Variants in ERCC8 observed in about 807,000 individuals in gnomAD.
ERCC8 encodes the protein ERCC excision repair 8, CSA ubiquitin ligase complex subunit.
Under a neutral mutation model 54.9 loss-of-function variants are expected in ERCC8, and 52 were observed. The ratio of observed to expected loss-of-function variants is 0.95; its 90% CI spans 0.76 to 1.19. The LOEUF is 1.19. Ranked by LOEUF, ERCC8 falls within the 50% of genes most tolerant of loss-of-function variation. ERCC8 has a pLI of 0.00. For synonymous variants in ERCC8, 146 were observed against 157.2 expected (o/e 0.93, Z 0.53); for missense variants, 514 against 466.1 (o/e 1.10, Z -0.95).
intron 1 of ERCC8, among the ~76,000 whole-genome samples, chr5:60,930,017 C>G (rs1749860856): frequency 6.6e-6 from 1 of 152,218 alleles, no homozygotes; most frequent in Non-Finnish European, 1.5e-5. Flanking sequence ...CTGATACTTT[C>G]ATTCATTGAC....
intron 9 of ERCC8, among the ~76,000 whole-genome samples, chr5:60,895,015 A>C (rs1361471590): frequency 6.6e-6 from 1 of 152,038 alleles, no homozygotes; most frequent in African/African-American, 2.4e-5. Context: ...CAAAAAACAC[A>C]AAAATATTAG....
At chr5:60,937,609 C>T (rs1434953374) in intron 1 of ERCC8, among the ~76,000 whole-genome samples, 4 of 152,182 alleles carry the variant, frequency 2.6e-5, no homozygotes, top group Admixed American at 2.6e-4. Flanking sequence ...CACCCAGCTC[C>T]CATGCAACCT....
chr5:60,935,259 G>A (rs111374237), intron 1 of ERCC8, among the ~76,000 whole-genome samples: 3,660 of 152,172 alleles, frequency 0.024, 63 homozygotes, highest in Non-Finnish European at 0.037. Flanking sequence ...TCCCTGGCTA[G>A]GTATATTCCT....
rs919544423 is a variant in ERCC8, at chr5:60,870,273, C to T, written c.*4342G>A. Among the ~76,000 whole-genome samples the T allele has an allele frequency of 1.3e-5, 2 of 151,876 alleles. No homozygotes were observed. Among genetic ancestry groups the T allele is most frequent in the East Asian group, 1.9e-4 (1 of 5,170 alleles). On this transcript the variant is annotated 3_prime_UTR_variant, in exon 12 of 12. Coordinates refer to ENST00000676185, the MANE Select transcript of ERCC8 (RefSeq NM_000082.4). Reference sequence around the variant, plus strand: ...TAATTATTAAGCACCTACTACATGCCAACTACAGTTCTAAGAATTGAAACA... The same window carrying T: ...TAATTATTAAGCACCTACTACATGCTAACTACAGTTCTAAGAATTGAAACA...
intron 1 of ERCC8, among the ~76,000 whole-genome samples, chr5:60,934,233 C>T (rs1749998281): frequency 6.6e-6 from 1 of 152,206 alleles, no homozygotes; most frequent in Non-Finnish European, 1.5e-5. Flanking sequence ...TTCACCATAT[C>T]CATGCCAACA....
chr5:60,875,567 C>T (rs1747973090), intron 11 of ERCC8, among the ~76,000 whole-genome samples: 1 of 152,180 alleles, frequency 6.6e-6, no homozygotes, highest in African/African-American at 2.4e-5. Flanking sequence ...GTATTATGAG[C>T]CAGGTTTGCT....
At chr5:60,896,828 A>G (rs576312633) in intron 9 of ERCC8, among the ~76,000 whole-genome samples, 24 of 152,326 alleles carry the variant, frequency 1.6e-4, no homozygotes, top group South Asian at 6.2e-4. Flanking sequence ...AACCACATGA[A>G]CAATTTATAT....
chr5:60,874,572 T>G lies in ERCC8; in HGVS notation c.*43A>C. The G allele has an allele frequency of 6.4e-7, 1 of 1,567,362 alleles. No individual in the cohort carries two copies. Reference sequence around the variant, plus strand: ...ACAGTTGAAAAAAACACAGTCTCATTTAAAAAGTTTCAGCAGAGACAAAAA... The same window carrying G: ...ACAGTTGAAAAAAACACAGTCTCATGTAAAAAGTTTCAGCAGAGACAAAAA... On this transcript the variant is annotated 3_prime_UTR_variant, in exon 12 of 12. Transcript: ENST00000676185.
intron 9 of ERCC8, among the ~76,000 whole-genome samples, chr5:60,894,280 G>A (rs1241971257): frequency 3.9e-5 from 6 of 152,072 alleles, no homozygotes; most frequent in East Asian, 1.9e-4. Context: ...CACTGCGCCC[G>A]GCTGGGAATT....
chr5:60,944,920 G>A lies in ERCC8; in HGVS notation c.77+12C>T, dbSNP rs1057158617. The A allele has an allele frequency of 2.5e-6, 4 of 1,608,478 alleles. No homozygotes were observed. The highest frequency in any genetic ancestry group is 3.4e-6 in the Non-Finnish European group (4 of 1,174,976). On this transcript the variant is annotated intron_variant, in intron 1 of 11. Coordinates refer to ENST00000676185, the MANE Select transcript of ERCC8 (RefSeq NM_000082.4). ...AACTGGCCTGTTAGCCAAAAAGTAA[G>A]GTTTTCTTTACCTCCGTGTTGACTC...
chr5:60,898,254 T>C (rs1394620673), intron 9 of ERCC8, 22 bp downstream of exon 9: 1 of 1,610,606 alleles, frequency 6.2e-7, no homozygotes, highest in Non-Finnish European at 8.5e-7. Context: ...TATACCCAAA[T>C]ATATACTTAA....
intron 1 of ERCC8, among the ~76,000 whole-genome samples, chr5:60,938,137 C>T (rs1317669976): frequency 7.3e-6 from 1 of 137,276 alleles, no homozygotes; most frequent in Non-Finnish European, 1.5e-5. Flanking sequence ...ATAAGTTTCT[C>T]TGGGTCCCCT....
chr5:60,914,462 T>C (rs551729206), intron 4 of ERCC8, among the ~76,000 whole-genome samples: 45 of 152,154 alleles, frequency 3.0e-4, no homozygotes, highest in African/African-American at 1.1e-3. Context: ...TCCATACTTT[T>C]ATTTTGAGCC....
At chr5:60,912,649 A>G (rs1007607274) in intron 4 of ERCC8, among the ~76,000 whole-genome samples, 5 of 152,058 alleles carry the variant, frequency 3.3e-5, no homozygotes, top group African/African-American at 1.2e-4. Context: ...GTGGTGAGAG[A>G]GGGCATCCCT....
intron 11 of ERCC8, among the ~76,000 whole-genome samples, chr5:60,877,672 T>A (rs1748057166): frequency 6.6e-6 from 1 of 152,230 alleles, no homozygotes; most frequent in African/African-American, 2.4e-5. Context: ...TTTGGCTGTT[T>A]GTCTGTTATT....
At chr5:60,890,091 G>T (rs1748504748) in intron 10 of ERCC8, among the ~76,000 whole-genome samples, 2 of 152,012 alleles carry the variant, frequency 1.3e-5, no homozygotes, top group South Asian at 4.2e-4. Context: ...CTGCCATAAT[G>T]GTATGTACTG....
intron 9 of ERCC8, among the ~76,000 whole-genome samples, chr5:60,891,595 A>C (rs1000990060): frequency 1.3e-4 from 20 of 151,216 alleles, no homozygotes; most frequent in Non-Finnish European, 2.9e-4. Flanking sequence ...CCCCCCAAAA[A>C]CCATTCCTTT....
chr5:60,874,714 G>C, intron 11 of ERCC8, 31 bp from the exon 12 acceptor site: 1 of 1,564,278 alleles, frequency 6.4e-7, no homozygotes, highest in East Asian at 2.2e-5. Context: ...GAAAAAGGAA[G>C]ATTCTGTTTT....
Position 60,898,413 on chromosome 5 carries a change from A to G in ERCC8, c.719-13T>C, listed in dbSNP as rs1185467596. On this transcript the variant is annotated splice_polypyrimidine_tract_variant and intron_variant, in intron 8 of 11. Coordinates refer to ENST00000676185, the MANE Select transcript of ERCC8 (RefSeq NM_000082.4). The stretch of plus-strand genomic sequence containing the variant: ...TGAGCAGTGTTTGCTGCAATGAAAA[A>G]CATAGTTCAGTTTATCTGTTCTTGT... 2 of 1,613,050 alleles carry G rather than the reference A, an allele frequency of 1.2e-6. No individual in the cohort carries two copies. Among genetic ancestry groups the G allele is most frequent in the Non-Finnish European group, 1.7e-6 (2 of 1,179,370 alleles).
Sources: gnomAD v4.1 joint callset for allele counts (sites outside exome capture counted in the v4.1 genomes callset) on GRCh38, gnomAD v4.1.1 for gene constraint, MANE v1.5 for transcripts, NCBI Gene and HGNC (gene_info 2026-07-23, HGNC 2026-07-21) for gene names.